GBP7: variants seen among roughly 807,000 people sequenced by gnomAD.
The protein encoded by GBP7 is guanylate binding protein 7.
In GBP7, 43 loss-of-function variants were observed where a neutral mutation model predicts 61.3. The observed-to-expected ratio is 0.70, with a 90% CI of 0.55 to 0.91. The LOEUF (loss-of-function observed/expected upper bound fraction) is 0.91. Among genes scored for constraint, GBP7 ranks in the 40% least tolerant of loss-of-function variants. GBP7 has a pLI of 0.00. For missense variants in GBP7, 717 were observed against 740.5 expected (o/e 0.97, Z 0.37); for synonymous variants, 267 against 271.0 (o/e 0.99, Z 0.14).
chr1:89,150,330 G>C lies in GBP7; in HGVS notation c.871C>G (p.Arg291Gly). Residue 291 changes from arginine to glycine, a missense_variant and splice_region_variant, in exon 6 of 11, where the codon CGG (arginine) becomes GGG (glycine). By Grantham distance (125) the Arg-to-Gly change is moderately radical. Transcript: ENST00000294671. ...LREGILVTGN[R>G]LGMLVETYLD... The stretch of plus-strand genomic sequence containing the variant: ...CACCCATATAGGGAAATAGACTCAC[G>C]GTTTCCAGTGACAAGGATTCCCTCT... The C allele has an allele frequency of 6.2e-7, 1 of 1,612,316 alleles. No homozygotes were observed. The highest frequency in any genetic ancestry group is 2.2e-5 in the East Asian group (1 of 44,816).
chr1:89,161,401 G>C (rs1647264837), intron 3 of GBP7, among the ~76,000 whole-genome samples: 1 of 152,160 alleles, frequency 6.6e-6, no homozygotes, highest in Admixed American at 6.6e-5. Flanking sequence ...CAATGGATAA[G>C]TGTTCCTATT....
At chr1:89,172,429 A>C (rs946471941) in intron 1 of GBP7, among the ~76,000 whole-genome samples, 1 of 152,094 alleles carries the variant, frequency 6.6e-6, no homozygotes, top group African/African-American at 2.4e-5. Context: ...TTTGTCTTTC[A>C]TGTCTTTGAC....
At chr1:89,168,853 C>T (rs917141188) in intron 2 of GBP7, among the ~76,000 whole-genome samples, 1 of 152,140 alleles carries the variant, frequency 6.6e-6, no homozygotes, top group African/African-American at 2.4e-5. Context: ...CCTGTAATCC[C>T]AGCTACTCAG....
At chr1:89,174,415 C>T (rs1380244813) in intron 1 of GBP7, among the ~76,000 whole-genome samples, 1 of 152,116 alleles carries the variant, frequency 6.6e-6, no homozygotes, top group East Asian at 1.9e-4. Flanking sequence ...TTCCTAGGTG[C>T]CCCGCTTGCT....
intron 4 of GBP7, 46 bp downstream of exon 4, chr1:89,152,622 C>T: frequency 6.4e-7 from 1 of 1,573,426 alleles, no homozygotes. Context: ...AGTTTCCATT[C>T]CCCTAAACTC....
At chr1:89,136,719 T>G (rs576975307) in intron 9 of GBP7, among the ~76,000 whole-genome samples, 2 of 152,174 alleles carry the variant, frequency 1.3e-5, no homozygotes, top group East Asian at 1.9e-4. Context: ...ATATCTCAAA[T>G]TAACAATCTA....
intron 9 of GBP7, among the ~76,000 whole-genome samples, chr1:89,136,460 G>A (rs553631173): frequency 1.1e-3 from 165 of 152,060 alleles, no homozygotes; most frequent in African/African-American, 3.8e-3. Context: ...TCATACCAAT[G>A]CTGTCAGACC....
chr1:89,173,239 T>C (rs575750862), intron 1 of GBP7, among the ~76,000 whole-genome samples: 18 of 152,316 alleles, frequency 1.2e-4, no homozygotes, highest in Non-Finnish European at 2.6e-4. Flanking sequence ...ACTCTAGGTG[T>C]GTTCATTATT....
At chr1:89,156,539 A>G (rs149236256) in intron 3 of GBP7, among the ~76,000 whole-genome samples, 5,033 of 152,252 alleles carry the variant, frequency 0.033, 275 homozygotes, top group African/African-American at 0.11. Flanking sequence ...ACAAACAAAA[A>G]AAGCGGGGGT....
chr1:89,168,839 G>T (rs1406119178), intron 2 of GBP7, among the ~76,000 whole-genome samples: 2 of 152,018 alleles, frequency 1.3e-5, no homozygotes, highest in African/African-American at 4.8e-5. Flanking sequence ...CATGGTGGCG[G>T]GCTCCTGTAA....
At chr1:89,147,936 T>A (rs1682107742) in intron 7 of GBP7, among the ~76,000 whole-genome samples, 157 bp from the exon 8 acceptor site, 2 of 152,174 alleles carry the variant, frequency 1.3e-5, no homozygotes, top group Non-Finnish European at 2.9e-5. Context: ...CCAGTTCTGG[T>A]CAATTCTCTG....
chr1:89,174,900 A>G (rs547796272), intron 1 of GBP7, among the ~76,000 whole-genome samples: 2 of 152,184 alleles, frequency 1.3e-5, no homozygotes, highest in Non-Finnish European at 2.9e-5. Flanking sequence ...TCTTTGAAAA[A>G]CCATGGCTTG....
chr1:89,155,589 G>C (rs569959876), intron 3 of GBP7, among the ~76,000 whole-genome samples: 2 of 152,290 alleles, frequency 1.3e-5, no homozygotes, highest in African/African-American at 4.8e-5. Context: ...ATTTGATCAA[G>C]TGGAAGAAAG....
intron 3 of GBP7, among the ~76,000 whole-genome samples, chr1:89,161,142 A>T (rs932180483): frequency 6.6e-6 from 1 of 152,180 alleles, no homozygotes; most frequent in Non-Finnish European, 1.5e-5. Flanking sequence ...AGTATTCCAT[A>T]GTGTATATGT....
rs374249995 is a variant in GBP7, at chr1:89,132,185, A to G, written c.1881T>C (p.Asn627=). Residue 627 remains asparagine, a synonymous_variant, in exon 11 of 11, where the codon AAT becomes AAC. Coordinates refer to ENST00000294671, the MANE Select transcript of GBP7 (RefSeq NM_207398.3). The stretch of plus-strand genomic sequence containing the variant: ...TTTTCTTACCAGGATTTCTCAGCCT[A>G]TTACATAATGAGCTAAGAATTTTCA... The part of the protein sequence containing the change: ...LGMKILSSLC[N]RLRNPGKKII... 2.5e-5 allele frequency: 41 copies of G among 1,612,712 alleles called. No homozygotes were observed. The highest frequency in any genetic ancestry group is 3.2e-5 in the Non-Finnish European group (38 of 1,179,252).
chr1:89,143,829 C>T (rs1162640366), intron 8 of GBP7, among the ~76,000 whole-genome samples: 4 of 152,130 alleles, frequency 2.6e-5, no homozygotes, highest in Non-Finnish European at 5.9e-5. Flanking sequence ...CCCACGAGGC[C>T]CCACCTCCAG....
chr1:89,132,337 G>A lies in GBP7; in HGVS notation c.1729C>T (p.Arg577Ter), dbSNP rs376019280. 24 of 1,612,574 alleles carry A rather than the reference G, an allele frequency of 1.5e-5. No homozygotes were observed. The highest frequency in any genetic ancestry group is 2.0e-5 in the Non-Finnish European group (24 of 1,178,822). The stretch of plus-strand genomic sequence containing the variant: ...GCTGCTTCAATTTGTTCTTTCAGTC[G>A]ATTAATCTCTTCATTTAACGACTCA... ...IFESLNEEIN[R>*]LKEQIEAAEN... The change falls in exon 11 of 11, where the codon CGA (arginine) becomes TGA (stop). Residue 577 changes from arginine (R) to a stop codon, truncating the protein, a stop_gained. Coordinates refer to ENST00000294671, the MANE Select transcript of GBP7 (RefSeq NM_207398.3). LOFTEE classifies it low-confidence loss of function (END_TRUNC).
At chr1:89,171,417 T>C (rs1349315112) in intron 2 of GBP7, among the ~76,000 whole-genome samples, 13 of 152,108 alleles carry the variant, frequency 8.5e-5, no homozygotes, top group African/African-American at 3.1e-4. Context: ...GAATATCCAA[T>C]ATGGATTGAA....
chr1:89,161,648 G>A (rs186803634), intron 3 of GBP7, among the ~76,000 whole-genome samples: 92 of 151,924 alleles, frequency 6.1e-4, no homozygotes, highest in East Asian at 3.5e-3. Context: ...ATTTGTTTAC[G>A]TTCCTTATAG....
Sources: allele counts gnomAD v4.1 joint callset (sites outside exome capture counted in the v4.1 genomes callset), GRCh38; gene constraint gnomAD v4.1.1; transcripts MANE v1.5; gene names NCBI Gene and HGNC (gene_info 2026-07-23, HGNC 2026-07-21).